TEX11: variants seen among roughly 807,000 people sequenced by gnomAD.
TEX11 encodes testis-expressed protein 11.
Under a neutral mutation model 84.4 loss-of-function variants are expected in TEX11, and 7 were observed. That is an observed-to-expected ratio of 0.08 (90% confidence interval 0.05 to 0.16). The LOEUF is 0.16. Ranked by LOEUF, TEX11 falls within the 10% of genes least tolerant of loss-of-function variation. The pLI is 1.00. For synonymous variants in TEX11, 264 were observed against 222.8 expected, an observed-to-expected ratio of 1.18 and a Z score of -1.64; for missense variants, 551 against 660.5, an observed-to-expected ratio of 0.83 and a Z score of 1.82.
intron 7 of TEX11, among the ~76,000 whole-genome samples, chrX:70,842,703 T>C (rs918240324): frequency 2.7e-5 from 3 of 111,620 alleles, no homozygotes; most frequent in Admixed American, 9.6e-5. Context: ...TCCCTGTTTG[T>C]AGATGACATG....
chrX:70,606,092 T>C (rs1394547075), intron 23 of TEX11, among the ~76,000 whole-genome samples: 1 of 112,577 alleles, frequency 8.9e-6, no homozygotes. Context: ...TTTATTTCAC[T>C]TAATTAAAAT....
At chrX:70,873,933 A>T (rs191075606) in intron 3 of TEX11, among the ~76,000 whole-genome samples, 3 of 111,518 alleles carry the variant, frequency 2.7e-5, no homozygotes, top group Admixed American at 9.6e-5. Flanking sequence ...TCAAAATTTG[A>T]TCCCCAATGT....
chrX:70,713,404 G>A (rs1372762495), intron 13 of TEX11, among the ~76,000 whole-genome samples: 1 of 111,959 alleles, frequency 8.9e-6, no homozygotes. Flanking sequence ...GAATTCGGCT[G>A]TGAATCCATC....
chrX:70,750,442 T>C (rs889776772), intron 9 of TEX11, among the ~76,000 whole-genome samples: 1 of 111,582 alleles, frequency 9.0e-6, no homozygotes, highest in Non-Finnish European at 1.9e-5. Context: ...CAAAGGACTA[T>C]AAATCATGCT....
intron 9 of TEX11, among the ~76,000 whole-genome samples, chrX:70,771,284 TA>T (rs1452160835): frequency 8.9e-6 from 1 of 112,471 alleles, no homozygotes; most frequent in East Asian, 2.8e-4. Context: ...ACCTAGTCTC[TA>T]ACCTATAAGT....
chrX:70,860,848 A>G lies in TEX11; in HGVS notation c.324+9T>C. The G allele has an allele frequency of 8.6e-7, 1 of 1,158,779 alleles. No individual in the cohort carries two copies. Among genetic ancestry groups the G allele is most frequent in the South Asian group, 1.9e-5 (1 of 53,869 alleles). ...TTTCATCTCCACTTTCTCCTAAATTAAGACTTACCATAATCAGTCGTTGAA... is the reference window on the plus strand; with the variant it reads ...TTTCATCTCCACTTTCTCCTAAATTGAGACTTACCATAATCAGTCGTTGAA... On this transcript the variant is annotated intron_variant, in intron 5 of 29. Transcript: ENST00000374333.
Position 70,880,470 on chromosome X carries a change from G to C in TEX11, c.38-361C>G, listed in dbSNP as rs2091676613. ...AGCTAGTCCAAAGGCTGAGGTAGGA[G>C]GATCACTTGAGTCCAGGAGTTCAAG... On this transcript the variant is annotated intron_variant, in intron 2 of 29. Transcript: ENST00000374333. 2.7e-5 allele frequency among the ~76,000 whole-genome samples: 3 copies of C among 111,045 alleles called. No homozygotes were observed. The Admixed American group carries it at 2.9e-4, about 11-fold the overall frequency.
At chrX:70,878,013 A>G (rs1383767461) in intron 3 of TEX11, among the ~76,000 whole-genome samples, 2 of 111,335 alleles carry the variant, frequency 1.8e-5, no homozygotes, top group Admixed American at 9.6e-5. Context: ...ACACCTAAAG[A>G]TAGTTAAGAT....
In TEX11 at chrX:70,595,144, C is replaced by T. The variant is rs868729381; in HGVS notation, c.2068-3321G>A. Among the ~76,000 whole-genome samples the T allele has an allele frequency of 1.2e-4, 13 of 111,339 alleles. 1 individual carries two copies. The highest frequency in any genetic ancestry group is 3.3e-4 in the African/African-American group (10 of 30,711). On this transcript the variant is annotated intron_variant, in intron 24 of 29. Transcript: ENST00000374333. ...TTGCCCGGGCTGGAGTGCAATGGCGCGATCTTGGCTCACTGCAACCTCTGC... is the reference window on the plus strand; with the variant it reads ...TTGCCCGGGCTGGAGTGCAATGGCGTGATCTTGGCTCACTGCAACCTCTGC...
chrX:70,709,840 C>A (rs1260719880), intron 13 of TEX11, among the ~76,000 whole-genome samples: 1 of 111,223 alleles, frequency 9.0e-6, no homozygotes, highest in Non-Finnish European at 1.9e-5. Context: ...GAACAAATTG[C>A]TTCCCTGTAT....
downstream of TEX11, among the ~76,000 whole-genome samples, chrX:70,526,324 T>A (rs753284262): frequency 8.2e-4 from 91 of 111,091 alleles, no homozygotes; most frequent in African/African-American, 2.9e-3. Flanking sequence ...ATCCCAGCAT[T>A]TTGGGAGGCC....
intron 24 of TEX11, among the ~76,000 whole-genome samples, chrX:70,596,860 T>C (rs1382299374): frequency 1.8e-5 from 2 of 110,973 alleles, no homozygotes; most frequent in Non-Finnish European, 3.8e-5. Context: ...CAAATTGATA[T>C]ACTTTTGTCT....
At chrX:70,844,459 T>C (rs1428048497) in intron 7 of TEX11, among the ~76,000 whole-genome samples, 2 of 52,479 alleles carry the variant, frequency 3.8e-5, no homozygotes, top group Admixed American at 6.0e-4. Context: ...CGGAGACTGT[T>C]GTGGGGTGGG....
At chrX:70,554,869 A>C in intron 25 of TEX11, 69 bp from the exon 26 acceptor site, 1 of 997,109 alleles carries the variant, frequency 1.0e-6, no homozygotes, top group Non-Finnish European at 1.3e-6. Context: ...TTGTAATTTC[A>C]CTAACTGGAG....
At chrX:70,811,839 T>C (rs2091256813) in intron 8 of TEX11, among the ~76,000 whole-genome samples, 1 of 112,088 alleles carries the variant, frequency 8.9e-6, no homozygotes, top group Non-Finnish European at 1.9e-5. Context: ...GAGAAGTGTC[T>C]GTTCATATCC....
chrX:70,764,169 A>G (rs930183620), intron 9 of TEX11, among the ~76,000 whole-genome samples: 1 of 112,056 alleles, frequency 8.9e-6, no homozygotes, highest in Non-Finnish European at 1.9e-5. Context: ...GAAACCAACA[A>G]CAACAAGAAT....
At chrX:70,572,386 C>A (rs1255570556) in intron 25 of TEX11, among the ~76,000 whole-genome samples, 1 of 111,558 alleles carries the variant, frequency 9.0e-6, no homozygotes, top group Non-Finnish European at 1.9e-5. Context: ...AATAGGAACA[C>A]TTTTACACTG....
At chrX:70,866,615 T>C (rs1457984874) in intron 4 of TEX11, among the ~76,000 whole-genome samples, 1 of 111,090 alleles carries the variant, frequency 9.0e-6, no homozygotes, top group Non-Finnish European at 1.9e-5. Flanking sequence ...CAGGCCAATA[T>C]CCCTGATGAA....
chrX:70,827,590 T>C (rs1310249295), intron 8 of TEX11, among the ~76,000 whole-genome samples: 1 of 111,035 alleles, frequency 9.0e-6, no homozygotes, highest in Admixed American at 9.6e-5. Context: ...ACATCAGTGG[T>C]GGCCTAGCAG....
Sources: allele counts gnomAD v4.1 joint callset (sites outside exome capture counted in the v4.1 genomes callset), GRCh38; gene constraint gnomAD v4.1.1; transcripts MANE v1.5; gene names NCBI Gene and HGNC (gene_info 2026-07-23, HGNC 2026-07-21).